Variants in THSD4 observed in about 807,000 individuals in gnomAD.
THSD4 encodes the protein thrombospondin type 1 domain containing 4.
Under a neutral mutation model 119.0 loss-of-function variants are expected in THSD4, and 69 were observed. The observed-to-expected ratio is 0.58, with a 90% CI of 0.48 to 0.71. The LOEUF is 0.71. Ranked by LOEUF, THSD4 falls within the 30% of genes least tolerant of loss-of-function variation. The probability of loss-of-function intolerance (pLI) is 0.00; values close to 1 mark genes in which losing one functional copy is unlikely to be tolerated. For synonymous variants in THSD4, 524 were observed against 540.4 expected (o/e 0.97, Z 0.42); for missense variants, 1,393 against 1,391.1 (o/e 1.00, Z -0.02).
chr15:71,228,622 A>G (rs1301134871), intron 4 of THSD4, among the ~76,000 whole-genome samples: 3 of 152,172 alleles, frequency 2.0e-5, no homozygotes, highest in Non-Finnish European at 4.4e-5. Context: ...GCTTACAGCA[A>G]CAATGTGATG....
At position 71,589,780 on chromosome 15, in the gene THSD4, A is replaced by G. The variant is rs181675145; in HGVS notation, c.1153-70750A>G. ...GTTGCTAGCAGCACTGTTTATTATC[A>G]CCAATAATTGGAAACATTCTCAATC... On this transcript the variant is annotated intron_variant, in intron 7 of 17. Transcript: ENST00000261862. Among the ~76,000 whole-genome samples, 3 of 139,608 alleles carry G rather than the reference A, an allele frequency of 2.1e-5. 1 individual carries two copies. The highest frequency in any genetic ancestry group is 3.3e-5 in the Non-Finnish European group (2 of 61,288). 91.6% of individuals were successfully genotyped at this position (139,608 alleles called of 152,430 possible).
At chr15:71,107,055 A>G (rs1037728133) in intron 1 of THSD4, among the ~76,000 whole-genome samples, 3 of 152,202 alleles carry the variant, frequency 2.0e-5, no homozygotes, top group Admixed American at 2.0e-4. Context: ...TGAAAAACTC[A>G]GACTAGTAAG....
chr15:71,111,222 A>G, upstream of THSD4: 3 of 1,613,204 alleles, frequency 1.9e-6, no homozygotes, highest in East Asian at 2.2e-5. Flanking sequence ...GGGAAAGAGA[A>G]GGAGATAACC....
intron 6 of THSD4, among the ~76,000 whole-genome samples, chr15:71,379,074 A>G (rs941184185): frequency 2.0e-5 from 3 of 152,184 alleles, no homozygotes; most frequent in South Asian, 2.1e-4. Context: ...ATGAGCCACC[A>G]TGCCCGGCCA....
chr15:71,704,973 A>G (rs769343688), intron 8 of THSD4, among the ~76,000 whole-genome samples: 4 of 152,232 alleles, frequency 2.6e-5, no homozygotes, highest in East Asian at 3.8e-4. Flanking sequence ...CCTTCAAATC[A>G]GAGAGAAACC....
At chr15:71,627,729 A>G (rs2050536586) in intron 7 of THSD4, among the ~76,000 whole-genome samples, 1 of 152,162 alleles carries the variant, frequency 6.6e-6, no homozygotes, top group African/African-American at 2.4e-5. Flanking sequence ...AGGGCAGGGG[A>G]GAGGAAGATT....
intron 7 of THSD4, among the ~76,000 whole-genome samples, chr15:71,506,857 G>A (rs977718655): frequency 4.6e-5 from 7 of 152,180 alleles, no homozygotes; most frequent in Admixed American, 6.5e-5. Context: ...GTGTTACAAC[G>A]TTGCTTAGTT....
At chr15:71,310,230 T>C (rs1189746566) in intron 6 of THSD4, among the ~76,000 whole-genome samples, 1 of 152,184 alleles carries the variant, frequency 6.6e-6, no homozygotes, top group Non-Finnish European at 1.5e-5. Context: ...TCTCTTACAC[T>C]GTGGGACTAG....
chr15:71,259,649 C>G (rs1179974624), intron 6 of THSD4, among the ~76,000 whole-genome samples: 1 of 152,154 alleles, frequency 6.6e-6, no homozygotes, highest in Non-Finnish European at 1.5e-5. Context: ...ACACTGATGC[C>G]TAGACCCCTC....
chr15:71,756,484 A>G (rs1243247402), intron 14 of THSD4, among the ~76,000 whole-genome samples: 7 of 152,272 alleles, frequency 4.6e-5, no homozygotes, highest in Non-Finnish European at 1.0e-4. Flanking sequence ...CGCCCCAAAA[A>G]TGTTTGAAAA....
chr15:71,402,397 C>A (rs1260293700), intron 6 of THSD4, among the ~76,000 whole-genome samples: 1 of 152,172 alleles, frequency 6.6e-6, no homozygotes, highest in Non-Finnish European at 1.5e-5. Context: ...GCACTTCACA[C>A]TGGAGCCATG....
chr15:71,302,307 C>T (rs2044961751), intron 6 of THSD4, among the ~76,000 whole-genome samples: 1 of 152,034 alleles, frequency 6.6e-6, no homozygotes, highest in Non-Finnish European at 1.5e-5. Flanking sequence ...ATAGAGAAGA[C>T]CAGGTCTGAT....
At chr15:71,633,269 C>CTTTTTTTTTTT (rs67682951) in intron 7 of THSD4, among the ~76,000 whole-genome samples, 27 of 63,154 alleles carry the variant, frequency 4.3e-4, no homozygotes, top group East Asian at 9.7e-4. Context: ...TTCTTTCTTT[C>CTTTTTTTTTTT]TTTTTTTTTT....
At chr15:71,664,918 A>G (rs1000896434) in intron 8 of THSD4, among the ~76,000 whole-genome samples, 4 of 152,100 alleles carry the variant, frequency 2.6e-5, no homozygotes, top group East Asian at 1.9e-4. Context: ...GGTTGATTCC[A>G]TGTCTTTGCT....
intron 7 of THSD4, among the ~76,000 whole-genome samples, chr15:71,516,545 G>C (rs1309441115): frequency 6.6e-6 from 1 of 152,020 alleles, no homozygotes; most frequent in Non-Finnish European, 1.5e-5. Context: ...TAATGCAATT[G>C]GAAAACATTG....
At chr15:71,553,064 G>A (rs947282767) in intron 7 of THSD4, among the ~76,000 whole-genome samples, 1 of 152,096 alleles carries the variant, frequency 6.6e-6, no homozygotes, top group South Asian at 2.1e-4. Context: ...AGATGAAATC[G>A]TTGTTAACAA....
upstream of THSD4, chr15:71,111,340 GC>G: frequency 6.2e-7 from 1 of 1,613,884 alleles, no homozygotes. Context: ...ATTTTCTCTT[GC>G]CCAGTTGTGG....
intron 8 of THSD4, among the ~76,000 whole-genome samples, chr15:71,696,123 G>A (rs1287831028): frequency 1.3e-5 from 2 of 152,146 alleles, no homozygotes; most frequent in Non-Finnish European, 2.9e-5. Flanking sequence ...AGGCCATTTT[G>A]TGTTGCTGTT....
chr15:71,708,514 A>G (rs1349466396), intron 8 of THSD4, among the ~76,000 whole-genome samples: 5 of 152,206 alleles, frequency 3.3e-5, no homozygotes, highest in African/African-American at 1.2e-4. Flanking sequence ...AACAAACTAT[A>G]TAGAAACTAA....
Sources: gnomAD v4.1 joint callset for allele counts (sites outside exome capture counted in the v4.1 genomes callset) on GRCh38, gnomAD v4.1.1 for gene constraint, MANE v1.5 for transcripts, NCBI Gene and HGNC (gene_info 2026-07-23, HGNC 2026-07-21) for gene names.